The following PSD3 variants were observed in gnomAD, a reference collection of about 807,000 sequenced individuals.
The protein encoded by PSD3 is pleckstrin and Sec7 domain containing 3, also known as PH and SEC7 domain-containing protein 3.
PSD3 carries 49 observed loss-of-function variants against 105.5 expected under a neutral mutation model. The ratio of observed to expected loss-of-function variants is 0.46; its 90% CI spans 0.37 to 0.59. PSD3 has a LOEUF of 0.59. PSD3 is among the 20% of genes least tolerant of loss of function. The pLI is 0.00. For missense variants in PSD3, 1,561 were observed against 1,263.8 expected, an observed-to-expected ratio of 1.24 and a Z score of -3.57; for synonymous variants, 557 against 457.8, an observed-to-expected ratio of 1.22 and a Z score of -2.77.
At chr8:18,792,550 T>G (rs1156284006) in intron 8 of PSD3, among the ~76,000 whole-genome samples, 1 of 152,048 alleles carries the variant, frequency 6.6e-6, no homozygotes, top group Non-Finnish European at 1.5e-5. Context: ...CAGCTCACAG[T>G]GGGGCCTGTC....
At chr8:18,885,349 G>A (rs141647801) in intron 2 of PSD3, among the ~76,000 whole-genome samples, 80 of 152,112 alleles carry the variant, frequency 5.3e-4, no homozygotes, top group Non-Finnish European at 7.5e-4. Context: ...CCACAGTCTC[G>A]CTCACAGCAA....
chr8:18,958,336 G>C (rs548451401), intron 1 of PSD3, among the ~76,000 whole-genome samples: 59 of 152,302 alleles, frequency 3.9e-4, no homozygotes, highest in East Asian at 9.6e-4. Context: ...TCTGAGGTTA[G>C]AGAAAGGCCT....
At chr8:18,576,110 A>T (rs7815083) in intron 12 of PSD3, among the ~76,000 whole-genome samples, 5,309 of 152,246 alleles carry the variant, frequency 0.035, 329 homozygotes, top group African/African-American at 0.12. Flanking sequence ...TGCTTTTACA[A>T]ATTTTCACAA....
At chr8:18,771,573 T>C (rs143080554) in intron 8 of PSD3, among the ~76,000 whole-genome samples, 1 of 152,334 alleles carries the variant, frequency 6.6e-6, no homozygotes, top group East Asian at 1.9e-4. Flanking sequence ...TATTCAGTTG[T>C]TACGACATCA....
chr8:18,677,315 T>C (rs1241579064), intron 9 of PSD3, among the ~76,000 whole-genome samples: 1 of 152,192 alleles, frequency 6.6e-6, no homozygotes, highest in Non-Finnish European at 1.5e-5. Context: ...CAGTGGCTCA[T>C]GCCTTGAATG....
intron 9 of PSD3, among the ~76,000 whole-genome samples, chr8:18,704,929 AAAAT>A (rs1294631374): frequency 2.6e-5 from 4 of 152,200 alleles, no homozygotes; most frequent in Non-Finnish European, 4.4e-5. Context: ...AAAATTGGAA[AAAAT>A]AAATGGGCAA....
chr8:19,031,971 A>G (rs1013537687), intron 1 of PSD3, among the ~76,000 whole-genome samples: 1 of 152,122 alleles, frequency 6.6e-6, no homozygotes, highest in South Asian at 2.1e-4. Context: ...GCATCCCACA[A>G]TCTCTTCTAT....
chr8:18,684,243 C>CACACAG (rs1554470521), intron 9 of PSD3: 330 of 210,924 alleles, frequency 1.6e-3, no homozygotes, highest in African/African-American at 6.6e-3. Context: ...CACACACACA[C>CACACAG]ACACACACCC....
intron 4 of PSD3, chr8:18,865,272 ATATATATATATATATTTTTT>A: frequency 4.6e-4 from 1 of 2,188 alleles, no homozygotes; most frequent in South Asian, 0.056. Context: ...ATATATATAT[ATATATATATATATATTTTTT>A]TTTTTTTTTT....
chr8:18,606,076 C>T (rs1804804464), intron 11 of PSD3, among the ~76,000 whole-genome samples: 1 of 152,190 alleles, frequency 6.6e-6, no homozygotes, highest in African/African-American at 2.4e-5. Flanking sequence ...TATGTCTAAG[C>T]ACAGGTTTCT....
chr8:18,959,823 C>T (rs1389284675), intron 1 of PSD3, among the ~76,000 whole-genome samples: 1 of 152,216 alleles, frequency 6.6e-6, no homozygotes, highest in Admixed American at 6.5e-5. Context: ...ACAGAACCAG[C>T]TCTGAACAGA....
intron 11 of PSD3, among the ~76,000 whole-genome samples, chr8:18,611,681 G>A (rs867044127): frequency 3.6e-4 from 54 of 151,870 alleles, no homozygotes; most frequent in African/African-American, 1.3e-3. Context: ...TCTCACTTCT[G>A]TGAAAATAAG....
At chr8:18,921,322 A>G (rs1586430260) in intron 2 of PSD3, among the ~76,000 whole-genome samples, 1 of 152,210 alleles carries the variant, frequency 6.6e-6, no homozygotes, top group South Asian at 2.1e-4. Context: ...ATCTCAAGTA[A>G]ATTATCTTTT....
At chr8:18,678,405 C>G (rs1268164302) in intron 9 of PSD3, among the ~76,000 whole-genome samples, 1 of 152,198 alleles carries the variant, frequency 6.6e-6, no homozygotes, top group Non-Finnish European at 1.5e-5. Context: ...CAGAAACCAT[C>G]AACTTCTTTT....
At chr8:18,607,837 T>C (rs1392631437) in intron 11 of PSD3, among the ~76,000 whole-genome samples, 1 of 151,776 alleles carries the variant, frequency 6.6e-6, no homozygotes, top group Non-Finnish European at 1.5e-5. Flanking sequence ...CCTCAGGAAA[T>C]GTACAATCAC....
rs115263065 is a variant in PSD3 at position 18,899,278 on chromosome 8, A to T, written c.131-26545T>A. On this transcript the variant is annotated intron_variant, in intron 2 of 15. Coordinates refer to ENST00000327040, the MANE Select transcript of PSD3 (RefSeq NM_015310.4). Reference sequence around the variant, plus strand: ...TTGAAATCCTTCCTCACCACCCCTCATACCTTTTTTCCCATATCTACAATA... The same window carrying T: ...TTGAAATCCTTCCTCACCACCCCTCTTACCTTTTTTCCCATATCTACAATA... Among the ~76,000 whole-genome samples, 1,175 of 152,194 alleles carry T rather than the reference A, an allele frequency of 7.7e-3. 15 individuals are homozygous for T. The highest frequency in any genetic ancestry group is 0.027 in the African/African-American group (1,124 of 41,526).
At chr8:18,840,814 T>A (rs1212719218) in intron 4 of PSD3, among the ~76,000 whole-genome samples, 1 of 152,160 alleles carries the variant, frequency 6.6e-6, no homozygotes, top group Non-Finnish European at 1.5e-5. Context: ...AGGCACATGA[T>A]GATAATATTC....
chr8:18,756,491 A>G (rs966550335), intron 9 of PSD3, among the ~76,000 whole-genome samples: 1 of 152,162 alleles, frequency 6.6e-6, no homozygotes, highest in East Asian at 1.9e-4. Context: ...CTAAACCAGT[A>G]AATACAAGGT....
Position 18,785,658 on chromosome 8 carries a change from T to G in PSD3, c.2082+13637A>C, listed in dbSNP as rs1231150310. On this transcript the variant is annotated intron_variant, in intron 8 of 15. Transcript: ENST00000327040. ...CATTACAACTTTATTAACTGTCTGG[T>G]GCAAGAGGCCTAGCTTCTGGCCTAT... Among the ~76,000 whole-genome samples the G allele has an allele frequency of 2.0e-5, 3 of 152,332 alleles. No homozygotes were observed. The East Asian group carries it at 5.8e-4, about 29-fold the overall frequency.
Sources: gnomAD v4.1 joint callset for allele counts (sites outside exome capture counted in the v4.1 genomes callset) on GRCh38, gnomAD v4.1.1 for gene constraint, MANE v1.5 for transcripts, NCBI Gene and HGNC (gene_info 2026-07-23, HGNC 2026-07-21) for gene names.